The following PPFIA1 variants were observed in gnomAD, a reference collection of about 807,000 sequenced individuals.
The protein encoded by PPFIA1 is PPFI scaffold protein A1.
In PPFIA1, 25 loss-of-function variants were observed where a neutral mutation model predicts 149.9. The ratio of observed to expected loss-of-function variants is 0.17; its 90% confidence interval spans 0.12 to 0.23. The LOEUF (loss-of-function observed/expected upper bound fraction) is 0.23. PPFIA1 is among the 10% of genes least tolerant of loss of function. The probability of loss-of-function intolerance (pLI) is 1.00; values close to 1 mark genes in which losing one functional copy is unlikely to be tolerated. For missense variants in PPFIA1, 1,362 were observed against 1,506.5 expected (o/e 0.90, Z 1.59); for synonymous variants, 549 against 552.8 (o/e 0.99, Z 0.10).
intron 2 of PPFIA1, among the ~76,000 whole-genome samples, chr11:70,300,787 C>A (rs1008960448): frequency 6.6e-6 from 1 of 152,184 alleles, no homozygotes; most frequent in Non-Finnish European, 1.5e-5. Context: ...CCCGCCTTGG[C>A]CTCCCAAAGT....
intron 2 of PPFIA1, among the ~76,000 whole-genome samples, chr11:70,306,419 T>C (rs950122110): frequency 4.6e-5 from 7 of 152,326 alleles, no homozygotes; most frequent in African/African-American, 1.7e-4. Flanking sequence ...CTCCTTTTAA[T>C]AGTATTTTAA....
intron 19 of PPFIA1, among the ~76,000 whole-genome samples, chr11:70,357,309 G>A (rs895161673): frequency 7.9e-5 from 12 of 152,132 alleles, no homozygotes; most frequent in African/African-American, 2.7e-4. Flanking sequence ...GCCCAAAGAT[G>A]CACCAGAGCC....
At chr11:70,337,454 A>G in intron 12 of PPFIA1, 27 bp downstream of exon 12, 1 of 1,524,130 alleles carries the variant, frequency 6.6e-7, no homozygotes, top group Admixed American at 1.9e-5. Context: ...TAAATCCATG[A>G]AGAGCCAAGT....
intron 16 of PPFIA1, among the ~76,000 whole-genome samples, chr11:70,354,032 T>G (rs960221504): frequency 6.6e-6 from 1 of 152,126 alleles, no homozygotes; most frequent in Non-Finnish European, 1.5e-5. Flanking sequence ...GGCAGAACCT[T>G]GGGCTGCATG....
At chr11:70,352,788 T>G (rs1591314368) in intron 16 of PPFIA1, among the ~76,000 whole-genome samples, 1 of 36,930 alleles carries the variant, frequency 2.7e-5, no homozygotes, top group South Asian at 9.0e-4. Context: ...GGGCGGCGTG[T>G]GGAGGGGTGG....
chr11:70,310,280 T>C (rs2053169366), intron 2 of PPFIA1, among the ~76,000 whole-genome samples: 1 of 152,194 alleles, frequency 6.6e-6, no homozygotes. Context: ...GGTTTGACCT[T>C]CAGTGATACT....
chr11:70,310,488 C>T (rs1387457726), intron 2 of PPFIA1, among the ~76,000 whole-genome samples: 1 of 150,930 alleles, frequency 6.6e-6, no homozygotes, highest in African/African-American at 2.4e-5. Flanking sequence ...TGGGTTCAAG[C>T]GATTCTCTTG....
rs764813079 is a variant in PPFIA1 at position 70,348,319 on chromosome 11, T to C, written c.2062T>C (p.Ser688Pro). The C allele has an allele frequency of 1.9e-6, 3 of 1,614,196 alleles. No individual in the cohort carries two copies. The Admixed American group carries it at 5.0e-5, about 27-fold the overall frequency. The change falls in exon 16 of 28, where the codon TCG becomes CCG. Residue 688 changes from serine to proline, a missense_variant. This residue lies in a region of PPFIA1 where 733 missense variants were observed against 744.1 expected (regional missense o/e 0.99). Transcript: ENST00000253925. ...MSSIPPYPAS[S>P]LASSSPPGSG... ...CTCCATTCCCCCCTACCCTGCTTCC[T>C]CGCTTGCTAGCTCCTCCCCTCCGGG... is the stretch of plus-strand genomic sequence containing the variant.
At chr11:70,334,965 A>C (rs1413760890) in intron 10 of PPFIA1, among the ~76,000 whole-genome samples, 2 of 152,246 alleles carry the variant, frequency 1.3e-5, no homozygotes, top group African/African-American at 4.8e-5. Context: ...GAATTTGATT[A>C]TGGTTTTATA....
At chr11:70,380,297 G>A (rs1202628094) in intron 26 of PPFIA1, among the ~76,000 whole-genome samples, 5 of 151,996 alleles carry the variant, frequency 3.3e-5, no homozygotes, top group Non-Finnish European at 7.4e-5. Flanking sequence ...GCCGGGCTCG[G>A]TGGCTCACGC....
chr11:70,378,534 ATAG>A (rs1777672238), intron 26 of PPFIA1: 1 of 902,316 alleles, frequency 1.1e-6, no homozygotes, highest in South Asian at 4.8e-5. Flanking sequence ...CTTTCAGGAA[ATAG>A]TAGTGTAGTA....
chr11:70,356,047 TA>T, intron 18 of PPFIA1, 113 bp from the exon 19 acceptor site: 1 of 1,066,494 alleles, frequency 9.4e-7, no homozygotes, highest in East Asian at 2.4e-5. Context: ...GTCAGAAACT[TA>T]GCCTTAAGAA....
At chr11:70,367,490 T>C in intron 21 of PPFIA1, 1 of 455,992 alleles carries the variant, frequency 2.2e-6, no homozygotes, top group Non-Finnish European at 4.4e-6. Flanking sequence ...TTCATAAGAC[T>C]GGGTTGTACT....
intron 2 of PPFIA1, among the ~76,000 whole-genome samples, chr11:70,287,784 C>T (rs930496474): frequency 4.6e-5 from 7 of 151,940 alleles, no homozygotes; most frequent in African/African-American, 9.7e-5. Context: ...GCTGGGACCA[C>T]GTGCATGTAC....
At chr11:70,360,727 G>T (rs905873786) in intron 19 of PPFIA1, among the ~76,000 whole-genome samples, 1 of 152,194 alleles carries the variant, frequency 6.6e-6, no homozygotes, top group Non-Finnish European at 1.5e-5. Context: ...ATACTCCTAA[G>T]AAAAGTCTGC....
intron 2 of PPFIA1, among the ~76,000 whole-genome samples, chr11:70,295,324 CGGG>C (rs1429901686): frequency 8.8e-6 from 1 of 113,276 alleles, no homozygotes; most frequent in Admixed American, 9.0e-5. Context: ...GCTGGCTGGG[CGGG>C]GGGCTGACCC....
intron 21 of PPFIA1, chr11:70,367,427 C>T: frequency 2.3e-6 from 1 of 440,102 alleles, no homozygotes; most frequent in Non-Finnish European, 4.6e-6. Context: ...CGTGGAGCAT[C>T]TATGAGCAGG....
intron 16 of PPFIA1, among the ~76,000 whole-genome samples, chr11:70,353,595 C>T (rs2056193122): frequency 1.3e-5 from 2 of 151,940 alleles, no homozygotes; most frequent in South Asian, 2.1e-4. Flanking sequence ...CGTTCCACTG[C>T]AAAAACAAAA....
intron 2 of PPFIA1, among the ~76,000 whole-genome samples, chr11:70,302,647 T>G (rs1004151696): frequency 6.6e-6 from 1 of 152,224 alleles, no homozygotes; most frequent in African/African-American, 2.4e-5. Context: ...ACAAGTCCAT[T>G]TATATTTATA....
Sources: gnomAD v4.1 joint callset for allele counts (sites outside exome capture counted in the v4.1 genomes callset) on GRCh38, gnomAD v4.1.1 for gene constraint, gnomAD v4.1.1 regional missense constraint, MANE v1.5 for transcripts, NCBI Gene and HGNC (gene_info 2026-07-23, HGNC 2026-07-21) for gene names.